RBM11: variants seen among roughly 807,000 people sequenced by gnomAD.
RBM11 encodes splicing regulator RBM11.
Under a neutral mutation model 21.4 loss-of-function variants are expected in RBM11, and 18 were observed. The observed-to-expected ratio is 0.84, with a 90% CI of 0.58 to 1.25. The LOEUF (loss-of-function observed/expected upper bound fraction) is 1.25. RBM11 is among the 50% of genes most tolerant of loss of function. The pLI is 0.00. For synonymous variants in RBM11, 120 were observed against 116.3 expected (o/e 1.03, Z -0.20); for missense variants, 294 against 331.9 (o/e 0.89, Z 0.89).
At chr21:14,221,252 G>T (rs1978641192) in intron 3 of RBM11, 83 bp downstream of exon 3, 2 of 1,395,616 alleles carry the variant, frequency 1.4e-6, no homozygotes, top group Non-Finnish European at 1.9e-6. Flanking sequence ...TTGGGCTATT[G>T]TAAAACCTTA....
At position 14,227,138 on chromosome 21, in the gene RBM11, T is replaced by C; in HGVS notation, c.691T>C (p.Trp231Arg). The change falls in exon 5 of 5, where the codon TGG becomes CGG. Residue 231 changes from tryptophan to arginine, a missense_variant. By Grantham distance (101) the Trp-to-Arg change is moderately radical (BLOSUM62 -3). Transcript: ENST00000400577. Reference protein sequence around the residue: ...DLEAGPSSYKWTHQQPSDSDL... With the variant: ...DLEAGPSSYKRTHQQPSDSDL... ...TGAGGCTGGACCCAGCTCATATAAA[T>C]GGACTCACCAACAACCAAGTGACTC... 1 of 1,613,936 alleles carries C rather than the reference T, an allele frequency of 6.2e-7. No homozygotes were observed. The highest frequency in any genetic ancestry group is 8.5e-7 in the Non-Finnish European group (1 of 1,179,884).
intron 3 of RBM11, 122 bp downstream of exon 3, chr21:14,221,291 A>C: frequency 8.6e-7 from 1 of 1,166,064 alleles, no homozygotes; most frequent in Non-Finnish European, 1.1e-6. Context: ...AAATTAAGGA[A>C]TATCTTTTTT....
rs1326704216 is a variant in RBM11 at position 14,227,000 on chromosome 21, A to T, written c.553A>T (p.Ser185Cys). 1 of 1,613,434 alleles carries T rather than the reference A, an allele frequency of 6.2e-7. No homozygotes were observed. The highest frequency in any genetic ancestry group is 1.1e-5 in the South Asian group (1 of 91,030). Residue 185 changes from serine to cysteine, a missense_variant, in exon 5 of 5, where the codon AGC becomes TGC. By Grantham distance (112) the Ser-to-Cys change is moderately radical (BLOSUM62 -1). Transcript: ENST00000400577. ...NHVPDLEAGP[S>C]SYKWTHQQPS... Reference sequence around the variant, plus strand: ...TGTTCCAGATCTTGAGGCTGGACCCAGCTCATATAAATGGACTCACCAACA... The same window carrying T: ...TGTTCCAGATCTTGAGGCTGGACCCTGCTCATATAAATGGACTCACCAACA...
At chr21:14,217,772 G>C (rs967414789) in intron 1 of RBM11, among the ~76,000 whole-genome samples, 3 of 151,940 alleles carry the variant, frequency 2.0e-5, no homozygotes, top group Non-Finnish European at 2.9e-5. Context: ...AGTAAACTTA[G>C]AGTTATTTTT....
At position 14,223,562 on chromosome 21, in the gene RBM11, T is replaced by A. The variant is rs376473711; in HGVS notation, c.333-876T>A. 5.9e-5 allele frequency among the ~76,000 whole-genome samples: 9 copies of A among 152,300 alleles called. No homozygotes were observed. The South Asian group carries it at 1.7e-3, about 28-fold the overall frequency. ...CATGCTTCTGGTGGTTTGATGTCAA[T>A]CTTTGGTATTTTTCAGCCTGTAGAA... On this transcript the variant is annotated intron_variant, in intron 3 of 4. Transcript: ENST00000400577.
At position 14,224,533 on chromosome 21, in the gene RBM11, A is replaced by C; in HGVS notation, c.428A>C (p.Lys143Thr). 6.5e-7 allele frequency: 1 copy of C among 1,548,410 alleles called. No individual in the cohort carries two copies. The highest frequency in any genetic ancestry group is 8.7e-7 in the Non-Finnish European group (1 of 1,146,530). Reference protein sequence around the residue: ...SLPQEYFLFQKMQWHVYNPVL... With the variant: ...SLPQEYFLFQTMQWHVYNPVL... The stretch of plus-strand genomic sequence containing the variant: ...CCTCAAGAATATTTTCTCTTTCAGA[A>C]GATGGTAAGTTTAATATGCATTTTA... The change falls in exon 4 of 5, where the codon AAG (lysine) becomes ACG (threonine). Residue 143 changes from lysine to threonine, a missense_variant. Around this residue, in one of 2 missense-constraint regions of RBM11, gnomAD observed 113 missense variants for 167.3 expected, o/e 0.68. Coordinates refer to ENST00000400577, the MANE Select transcript of RBM11 (RefSeq NM_144770.5).
chr21:14,228,154 AAAAT>A lies in RBM11; in HGVS notation c.*865_*868del, dbSNP rs563048398. The A allele has an allele frequency of 9.2e-5, 14 of 152,272 alleles. No homozygotes were observed. In the East Asian group the frequency reaches 1.2e-3, roughly 13 times the overall value. The allele number at this position is 152,272 out of a possible 1,614,324, so 9.4% of individuals were successfully genotyped here. ...TTTTTGGTTTATTTATTTTAGAAGA[AAAAT>A]AAAATTATTTGGGCATTTTTGTTTA... On this transcript the variant is annotated 3_prime_UTR_variant, in exon 5 of 5. Coordinates refer to ENST00000400577, the MANE Select transcript of RBM11 (RefSeq NM_144770.5).
At position 14,228,036 on chromosome 21, in the gene RBM11, TTAAC is replaced by T. The variant is rs1376607426; in HGVS notation, c.*744_*747del. 6.6e-6 allele frequency: 1 copy of T among 152,226 alleles called. No individual in the cohort carries two copies. Among genetic ancestry groups the T allele is most frequent in the African/African-American group, 2.4e-5 (1 of 41,476 alleles). 9.4% of individuals were successfully genotyped at this position (152,226 alleles called of 1,614,324 possible). On this transcript the variant is annotated 3_prime_UTR_variant, in exon 5 of 5. Transcript: ENST00000400577. Reference sequence around the variant, plus strand: ...TGCTAGCAAGGTTTGAGATGCTATATTAACATTTAAATCATGAAAATGAGCAAGT... The same window carrying T: ...TGCTAGCAAGGTTTGAGATGCTATATATTTAAATCATGAAAATGAGCAAGT...
At chr21:14,226,534 G>T (rs1289759168) in intron 4 of RBM11, among the ~76,000 whole-genome samples, 2 of 151,322 alleles carry the variant, frequency 1.3e-5, no homozygotes, top group East Asian at 3.9e-4. Flanking sequence ...CAGGAGAATT[G>T]CTTGAACCCA....
chr21:14,219,781 G>C, intron 2 of RBM11, 56 bp downstream of exon 2: 1 of 1,425,798 alleles, frequency 7.0e-7, no homozygotes. Context: ...ACTATTCTCA[G>C]AGTTGTAAGC....
At chr21:14,225,140 C>G (rs563632343) in intron 4 of RBM11, among the ~76,000 whole-genome samples, 68 of 152,168 alleles carry the variant, frequency 4.5e-4, no homozygotes, top group Non-Finnish European at 8.5e-4. Context: ...TGCAGAATTG[C>G]ATAATTTGAA....
Position 14,218,114 on chromosome 21 carries a change from A to C in RBM11, c.97-1449A>C, listed in dbSNP as rs368912279. Among the ~76,000 whole-genome samples the C allele has an allele frequency of 7.9e-5, 12 of 152,250 alleles. No individual in the cohort carries two copies. In the South Asian group the frequency reaches 2.3e-3, roughly 29 times the overall value. Reference sequence around the variant, plus strand: ...TGACAACTATCACACTATGTATTTCATTGTGATTTAAAAAATACTGTAAGA... The same window carrying C: ...TGACAACTATCACACTATGTATTTCCTTGTGATTTAAAAAATACTGTAAGA... On this transcript the variant is annotated intron_variant, in intron 1 of 4. Coordinates refer to ENST00000400577, the MANE Select transcript of RBM11 (RefSeq NM_144770.5).
chr21:14,218,316 A>G (rs1978381498), intron 1 of RBM11, among the ~76,000 whole-genome samples: 2 of 152,198 alleles, frequency 1.3e-5, no homozygotes, highest in African/African-American at 4.8e-5. Context: ...ATATTACAGT[A>G]TATTTATCCT....
Position 14,227,691 on chromosome 21 carries a change from G to A in RBM11, c.*398G>A. On this transcript the variant is annotated 3_prime_UTR_variant, in exon 5 of 5. Transcript: ENST00000400577. ...GGCTGGGATTCAATGTGGAGTGGTG[G>A]ATTTCCTGAAAGAAAGTAGTGCAGA... 1 of 170,484 alleles carries A rather than the reference G, an allele frequency of 5.9e-6. No homozygotes were observed. The highest frequency in any genetic ancestry group is 1.2e-5 in the Non-Finnish European group (1 of 80,318). 10.6% of individuals were successfully genotyped at this position (170,484 alleles called of 1,614,324 possible).
rs151009422 is a variant in RBM11, at chr21:14,227,338, T to C, written c.*45T>C. ...TTACCTACACTGATCTTAGTTCTCTTATGAAAAAAATAAGATGTTATCCCA... is the reference window on the plus strand; with the variant it reads ...TTACCTACACTGATCTTAGTTCTCTCATGAAAAAAATAAGATGTTATCCCA... On this transcript the variant is annotated 3_prime_UTR_variant, in exon 5 of 5. Transcript: ENST00000400577. 73 of 1,516,488 alleles carry C rather than the reference T, an allele frequency of 4.8e-5. No homozygotes were observed. In the African/African-American group the frequency reaches 7.7e-4, roughly 16 times the overall value. 93.9% of individuals were successfully genotyped at this position (1,516,488 alleles called of 1,614,324 possible).
chr21:14,226,889 G>A lies in RBM11; in HGVS notation c.442G>A (p.Val148Met). The A allele has an allele frequency of 6.2e-7, 1 of 1,608,206 alleles. No individual in the cohort carries two copies. The highest frequency in any genetic ancestry group is 1.7e-5 in the Admixed American group (1 of 59,356). The stretch of plus-strand genomic sequence containing the variant: ...TGTCTTGTTTTCACAGCAGTGGCAT[G>A]TGTATAATCCAGTGCTGCAGCTTCC... The part of the protein sequence containing the change: ...YFLFQKMQWH[V>M]YNPVLQLPYY... The change falls in exon 5 of 5, where the codon GTG (valine) becomes ATG (methionine). Residue 148 changes from valine (V) to methionine (M), a missense_variant. By Grantham distance (21) the Val-to-Met change is conservative. This residue lies in a region of RBM11 where 113 missense variants were observed against 167.3 expected (regional missense o/e 0.68). Coordinates refer to ENST00000400577, the MANE Select transcript of RBM11 (RefSeq NM_144770.5).
At chr21:14,219,817 C>T in intron 2 of RBM11, 92 bp downstream of exon 2, 1 of 1,136,416 alleles carries the variant, frequency 8.8e-7, no homozygotes, top group African/African-American at 1.6e-5. Flanking sequence ...TAGTATAAGA[C>T]CAAAACAAAA....
chr21:14,221,227 G>T, intron 3 of RBM11, 58 bp downstream of exon 3: 1 of 1,482,836 alleles, frequency 6.7e-7, no homozygotes. Context: ...ATGCCAAGAG[G>T]AGTTTTTATA....
intron 4 of RBM11, 70 bp from the exon 5 acceptor site, chr21:14,226,810 T>C (rs1568902409): frequency 6.5e-7 from 1 of 1,538,806 alleles, no homozygotes; most frequent in Non-Finnish European, 8.7e-7. Flanking sequence ...GTATAATACA[T>C]GTAAACTGTT....
Sources: gnomAD v4.1 joint callset for allele counts (sites outside exome capture counted in the v4.1 genomes callset) on GRCh38, gnomAD v4.1.1 for gene constraint, gnomAD v4.1.1 regional missense constraint, MANE v1.5 for transcripts, NCBI Gene and HGNC (gene_info 2026-07-23, HGNC 2026-07-21) for gene names.